KNTC1: variants seen among roughly 807,000 people sequenced by gnomAD.
The protein encoded by KNTC1 is kinetochore associated 1, also known as kinetochore-associated protein 1.
Under a neutral mutation model 314.4 loss-of-function variants are expected in KNTC1, and 253 were observed. The observed-to-expected ratio is 0.80, with a 90% CI of 0.73 to 0.89. The LOEUF is 0.89. KNTC1 is among the 40% of genes least tolerant of loss of function. The probability of loss-of-function intolerance (pLI) is 0.00; values close to 1 mark genes in which losing one functional copy is unlikely to be tolerated. For missense variants in KNTC1, 2,475 were observed against 2,572.9 expected (o/e 0.96, Z 0.82); for synonymous variants, 901 against 901.4 (o/e 1.00, Z 0.01).
At chr12:122,554,624 T>A (rs1008948588) in intron 16 of KNTC1, among the ~76,000 whole-genome samples, 2 of 152,008 alleles carry the variant, frequency 1.3e-5, no homozygotes, top group Non-Finnish European at 2.9e-5. Context: ...TTTGAACATC[T>A]GAAAGATTTT....
At chr12:122,556,613 C>T (rs1212715044) in intron 16 of KNTC1, among the ~76,000 whole-genome samples, 1 of 151,392 alleles carries the variant, frequency 6.6e-6, no homozygotes, top group Non-Finnish European at 1.5e-5. Context: ...GCTGGGATTA[C>T]AGGCGCCCAC....
intron 18 of KNTC1, 31 bp downstream of exon 18, chr12:122,557,720 TG>T (rs781682722): frequency 6.6e-7 from 1 of 1,507,726 alleles, no homozygotes; most frequent in Non-Finnish European, 9.1e-7. Flanking sequence ...TTTGTTTTTT[TG>T]GGGCAGGGGA....
intron 16 of KNTC1, among the ~76,000 whole-genome samples, chr12:122,555,677 G>A (rs143083724): frequency 1.3e-5 from 2 of 152,160 alleles, no homozygotes; most frequent in East Asian, 1.9e-4. Context: ...ATGAAACTCC[G>A]TCTCTACTAA....
rs1158406668 is a variant in KNTC1, at chr12:122,594,400, A to G, written c.4355+15A>G. 5 of 1,370,026 alleles carry G rather than the reference A, an allele frequency of 3.6e-6. No individual in the cohort carries two copies. In the African/African-American group the frequency reaches 7.2e-5, roughly 20 times the overall value. The allele number at this position is 1,370,026 out of a possible 1,614,324, so 84.9% of individuals were successfully genotyped here. On this transcript the variant is annotated intron_variant, in intron 43 of 63. Transcript: ENST00000333479. ...GAATATTGCAGGTAATTCTTTAAAC[A>G]TTAACGGTATTTTTGCTGTTAACAA...
intron 45 of KNTC1, 130 bp downstream of exon 45, chr12:122,601,755 T>G: frequency 1.0e-6 from 1 of 959,264 alleles, no homozygotes; most frequent in Non-Finnish European, 1.4e-6. Flanking sequence ...TTATTTTAGG[T>G]TTTTAAAAAT....
At chr12:122,541,990 A>T (rs1962376816) in intron 5 of KNTC1, 60 bp from the exon 6 acceptor site, 2 of 1,443,860 alleles carry the variant, frequency 1.4e-6, no homozygotes, top group Non-Finnish European at 1.8e-6. Flanking sequence ...ACTCCAGCCT[A>T]GCGACAGAAT....
intron 57 of KNTC1, 146 bp from the exon 58 acceptor site, chr12:122,618,194 ACTC>A (rs1434776575): frequency 1.1e-5 from 7 of 663,956 alleles, no homozygotes; most frequent in African/African-American, 5.5e-5. Context: ...CTGGTTTCGA[ACTC>A]CTGACCTCAA....
Position 122,610,920 on chromosome 12 carries a change from TC to T in KNTC1, c.5622+22del, listed in dbSNP as rs1228286474. 6.4e-7 allele frequency: 1 copy of T among 1,552,042 alleles called. No homozygotes were observed. The highest frequency in any genetic ancestry group is 2.2e-5 in the East Asian group (1 of 44,638). On this transcript the variant is annotated intron_variant, in intron 53 of 63. Transcript: ENST00000333479. ...ACAACCGTAAGCTCTAGAAACTTAATCCAAACTCTTCTGTGCATCTCAGCTT... is the reference window on the plus strand; with the variant it reads ...ACAACCGTAAGCTCTAGAAACTTAATCAAACTCTTCTGTGCATCTCAGCTT...
chr12:122,611,106 G>C, intron 53 of KNTC1: 1 of 560,956 alleles, frequency 1.8e-6, no homozygotes, highest in South Asian at 2.1e-5. Flanking sequence ...TCTGCTTAGC[G>C]TGCTGAATGG....
intron 29 of KNTC1, 67 bp from the exon 30 acceptor site, chr12:122,576,828 T>C (rs1965061324): frequency 3.0e-6 from 4 of 1,332,402 alleles, no homozygotes; most frequent in South Asian, 1.7e-5. Context: ...TTTGCTCTTA[T>C]AAGCAAGTGA....
At chr12:122,541,223 A>G (rs968663675) in intron 5 of KNTC1, among the ~76,000 whole-genome samples, 34 of 151,498 alleles carry the variant, frequency 2.2e-4, no homozygotes, top group African/African-American at 7.5e-4. Context: ...TCAAATTGAC[A>G]TATTTTTAAG....
At position 122,597,774 on chromosome 12, in the gene KNTC1, G is replaced by A; in HGVS notation, c.4399G>A (p.Glu1467Lys). ...DCDAVLQLFI[E>K]TLLHNTNAGQ... ...CGATGCAGTTCTTCAGCTCTTCATT[G>A]AAACGCTGCTCCACAACACAAATGC... Residue 1467 changes from glutamate (E) to lysine (K), a missense_variant, in exon 44 of 64, where the codon GAA becomes AAA. Glu to Lys is a moderately conservative substitution (Grantham distance 56). Transcript: ENST00000333479. 6.2e-7 allele frequency: 1 copy of A among 1,613,956 alleles called. No homozygotes were observed. Among genetic ancestry groups the A allele is most frequent in the Non-Finnish European group, 8.5e-7 (1 of 1,179,860 alleles).
At position 122,615,530 on chromosome 12, in the gene KNTC1, T is replaced by G. The variant is rs1270551131; in HGVS notation, c.6030+4T>G. Reference sequence around the variant, plus strand: ...CAGTATCCATTCTTTATGGCAGGTATGTAGTTTTTTAAAATAAATTTTATT... The same window carrying G: ...CAGTATCCATTCTTTATGGCAGGTAGGTAGTTTTTTAAAATAAATTTTATT... On this transcript the variant is annotated splice_donor_region_variant and intron_variant, in intron 57 of 63. Transcript: ENST00000333479. 9 of 1,520,200 alleles carry G rather than the reference T, an allele frequency of 5.9e-6. No individual in the cohort carries two copies. Among genetic ancestry groups the G allele is most frequent in the Non-Finnish European group, 8.0e-6 (9 of 1,127,884 alleles). 94.2% of individuals were successfully genotyped at this position (1,520,200 alleles called of 1,614,324 possible). A position where few individuals can be genotyped will look rare whatever the true frequency, so the allele number is the denominator to read the frequency against.
rs1362043588 is a variant in KNTC1, at chr12:122,584,459, A to G, written c.3436+9A>G. ...CACCATTTGCAGTCCAGGTGACAAT[A>G]TTTATAATATACGTAGTTTTATATT... On this transcript the variant is annotated intron_variant, in intron 35 of 63. Transcript: ENST00000333479. The G allele has an allele frequency of 6.3e-7, 1 of 1,587,166 alleles. No homozygotes were observed. The highest frequency in any genetic ancestry group is 8.6e-7 in the Non-Finnish European group (1 of 1,164,002).
chr12:122,622,650 T>TA, intron 62 of KNTC1, 43 bp downstream of exon 62: 2 of 1,450,556 alleles, frequency 1.4e-6, no homozygotes, highest in South Asian at 2.7e-5. Context: ...GGAATTTCCT[T>TA]AAAATCTATC....
intron 49 of KNTC1, 70 bp from the exon 50 acceptor site, chr12:122,604,807 A>G: frequency 6.9e-7 from 1 of 1,451,184 alleles, no homozygotes; most frequent in Non-Finnish European, 9.5e-7. Flanking sequence ...GTGATTGATA[A>G]AGATGGATGC....
At position 122,575,786 on chromosome 12, in the gene KNTC1, A is replaced by G. The variant is rs201056081; in HGVS notation, c.2487-14A>G. ...AAAGACAATCCATGTTAATATGGGT[A>G]AATTTGCTTTCAGAGTCAAGTTATT... On this transcript the variant is annotated splice_polypyrimidine_tract_variant and intron_variant, in intron 28 of 63. Transcript: ENST00000333479. The G allele has an allele frequency of 7.6e-4, 1,221 of 1,603,550 alleles. No individual in the cohort carries two copies. Among genetic ancestry groups the G allele is most frequent in the Non-Finnish European group, 9.8e-4 (1,151 of 1,171,794 alleles).
At position 122,590,650 on chromosome 12, in the gene KNTC1, A is replaced by G. The variant is rs1283074136; in HGVS notation, c.4043A>G (p.Tyr1348Cys). 1 of 1,613,592 alleles carries G rather than the reference A, an allele frequency of 6.2e-7. No individual in the cohort carries two copies. Among genetic ancestry groups the G allele is most frequent in the Admixed American group, 1.7e-5 (1 of 59,992 alleles). ...GTAGATCTTGACCTGGCGTTGGGTT[A>G]CTGCACTCTCTTACCTCAAAAAGAT... ...RLVDLDLALG[Y>C]CTLLPQKDVF... is the part of the protein sequence containing the mutation. The change falls in exon 41 of 64, where the codon TAC becomes TGC. Residue 1348 changes from tyrosine to cysteine, a missense_variant. Physicochemically the swap from Tyr to Cys is radical, Grantham distance 194. Coordinates refer to ENST00000333479, the MANE Select transcript of KNTC1 (RefSeq NM_014708.6).
At chr12:122,543,792 C>T (rs373005325) in intron 7 of KNTC1, among the ~76,000 whole-genome samples, 158 bp downstream of exon 7, 32 of 151,642 alleles carry the variant, frequency 2.1e-4, no homozygotes, top group Non-Finnish European at 3.4e-4. Flanking sequence ...CATTTATGCC[C>T]GTAATCCCAG....
Sources: gnomAD v4.1 joint callset for allele counts (sites outside exome capture counted in the v4.1 genomes callset) on GRCh38, gnomAD v4.1.1 for gene constraint, MANE v1.5 for transcripts, NCBI Gene and HGNC (gene_info 2026-07-23, HGNC 2026-07-21) for gene names.